Variants in ANKFY1 observed in about 807,000 individuals in gnomAD.
ANKFY1 encodes the protein ankyrin repeat and FYVE domain containing 1, also known as ankyrin repeat and FYVE domain-containing protein 1.
ANKFY1 carries 47 observed loss-of-function variants against 128.3 expected under a neutral mutation model. The ratio of observed to expected loss-of-function variants is 0.37; its 90% CI spans 0.29 to 0.47. The LOEUF (loss-of-function observed/expected upper bound fraction) is 0.47. Ranked by LOEUF, ANKFY1 falls within the 20% of genes least tolerant of loss-of-function variation. The probability of loss-of-function intolerance (pLI) is 1.00; values close to 1 mark genes in which losing one functional copy is unlikely to be tolerated. For missense variants in ANKFY1, 1,222 were observed against 1,510.6 expected, an observed-to-expected ratio of 0.81 and a Z score of 3.17; for synonymous variants, 553 against 601.6, an observed-to-expected ratio of 0.92 and a Z score of 1.18.
intron 4 of ANKFY1, among the ~76,000 whole-genome samples, chr17:4,210,580 T>C (rs568659918): frequency 6.6e-6 from 1 of 151,630 alleles, no homozygotes; most frequent in South Asian, 2.1e-4. Context: ...TGGTGGCGCA[T>C]GCCTGTAATC....
At position 4,181,768 on chromosome 17, in the gene ANKFY1, T is replaced by G. The variant is rs147833637; in HGVS notation, c.2122-396A>C. ...AACCTCCAGGTGCACAACGCCTTCATATCACACTGCAGGCCCTTCGGAGAG... is the reference window on the plus strand; with the variant it reads ...AACCTCCAGGTGCACAACGCCTTCAGATCACACTGCAGGCCCTTCGGAGAG... On this transcript the variant is annotated intron_variant, in intron 15 of 24. Coordinates refer to ENST00000341657, the MANE Select transcript of ANKFY1 (RefSeq NM_001330063.2). The surrounding 1 kb of genome is among the most constrained non-coding windows in gnomAD (Gnocchi z 4.9). Among the ~76,000 whole-genome samples the G allele has an allele frequency of 1.2e-4, 18 of 152,318 alleles. No homozygotes were observed. In the East Asian group the frequency reaches 3.5e-3, roughly 29 times the overall value.
In ANKFY1 at chr17:4,195,529, C is replaced by A. The variant is rs977844626; in HGVS notation, c.1104-58G>T. 4.3e-5 allele frequency: 58 copies of A among 1,339,472 alleles called. No individual in the cohort carries two copies. In the East Asian group the frequency reaches 1.3e-3, roughly 30 times the overall value. 83.0% of individuals were successfully genotyped at this position (1,339,472 alleles called of 1,614,324 possible). On this transcript the variant is annotated intron_variant, in intron 8 of 24. Transcript: ENST00000341657. ...GGACAGGCCTGTTCAGGATGACTCACGGCAAGACGCAACCAGAATCCCAGG... is the reference window on the plus strand; with the variant it reads ...GGACAGGCCTGTTCAGGATGACTCAAGGCAAGACGCAACCAGAATCCCAGG...
At position 4,178,791 on chromosome 17, in the gene ANKFY1, C is replaced by G. The variant is rs2059454713; in HGVS notation, c.2598+66G>C. On this transcript the variant is annotated intron_variant, in intron 18 of 24. Coordinates refer to ENST00000341657, the MANE Select transcript of ANKFY1 (RefSeq NM_001330063.2). The surrounding 1 kb of genome is among the most constrained non-coding windows in gnomAD (Gnocchi z 4.1). ...AGGAGACCTGTTTAGTCGGTGACAT[C>G]TGTCTAGTCTCCAGGTTCCGCGACG... is the stretch of plus-strand genomic sequence containing the variant. 6.5e-5 allele frequency: 95 copies of G among 1,472,090 alleles called. No homozygotes were observed. The South Asian group carries it at 1.1e-3, about 16-fold the overall frequency. 91.2% of individuals were successfully genotyped at this position (1,472,090 alleles called of 1,614,324 possible).
At position 4,217,029 on chromosome 17, in the gene ANKFY1, G is replaced by A; in HGVS notation, c.412C>T (p.Leu138=). 9 of 1,614,180 alleles carry A rather than the reference G, an allele frequency of 5.6e-6. No homozygotes were observed. Among genetic ancestry groups the A allele is most frequent in the African/African-American group, 2.7e-5 (2 of 75,064 alleles). Residue 138 remains leucine, a synonymous_variant, in exon 4 of 25, where the codon CTG becomes TTG. Transcript: ENST00000341657. ...TGAAACCGATTTGCTAGTTTCATCA[G>A]TTCAGTCAGGAACACATCATCCTCT... ...FREDDVFLTE[L]MKLANRFQLQ... is the part of the protein sequence containing the mutation.
At chr17:4,185,449 C>G (rs966075511) in intron 11 of ANKFY1, among the ~76,000 whole-genome samples, 1 of 152,138 alleles carries the variant, frequency 6.6e-6, no homozygotes, top group East Asian at 1.9e-4. Flanking sequence ...GTGATCCACC[C>G]AACTCGGACT....
chr17:4,205,251 T>G (rs978455881), intron 7 of ANKFY1, among the ~76,000 whole-genome samples: 1 of 152,142 alleles, frequency 6.6e-6, no homozygotes, highest in Non-Finnish European at 1.5e-5. Context: ...TCCACAAAAC[T>G]AACGCTTTGA....
intron 3 of ANKFY1, among the ~76,000 whole-genome samples, chr17:4,228,407 T>C (rs2143196954): frequency 6.9e-6 from 1 of 145,362 alleles, no homozygotes; most frequent in East Asian, 2.0e-4. Flanking sequence ...GATGGAAATG[T>C]TTTTTGTTAG....
In ANKFY1 at chr17:4,205,231, C is replaced by T. The variant is rs562396398; in HGVS notation, c.898+1090G>A. ...CCATGGCAATGCACTTCAATCAAGT[C>T]AACCATCCCTCCACAAAACTAACGC... On this transcript the variant is annotated intron_variant, in intron 7 of 24. Coordinates refer to ENST00000341657, the MANE Select transcript of ANKFY1 (RefSeq NM_001330063.2). Among the ~76,000 whole-genome samples the T allele has an allele frequency of 3.9e-5, 6 of 152,282 alleles. No individual in the cohort carries two copies. The South Asian group carries it at 1.0e-3, about 26-fold the overall frequency.
At position 4,184,986 on chromosome 17, in the gene ANKFY1, G is replaced by A; in HGVS notation, c.1531C>T (p.Leu511=). 6.2e-7 allele frequency: 1 copy of A among 1,614,006 alleles called. No homozygotes were observed. Among genetic ancestry groups the A allele is most frequent in the African/African-American group, 1.3e-5 (1 of 75,056 alleles). ...HGLANLTAEL[L]QQGANPNLQT... ...AGGTTTGGGTTGGCGCCTTGCTGCA[G>A]GAGCTCTGCCGTGAGGTTGGCCAGG... Residue 511 remains leucine, a synonymous_variant, in exon 12 of 25, where the codon CTG becomes TTG. Transcript: ENST00000341657.
chr17:4,202,981 CATATATAT>C (rs56774221), intron 7 of ANKFY1, among the ~76,000 whole-genome samples: 3 of 146,236 alleles, frequency 2.1e-5, no homozygotes. Context: ...TAATCATACA[CATATATAT>C]ATATATATAT....
At position 4,178,663 on chromosome 17, in the gene ANKFY1, G is replaced by C. The variant is rs2059452064; in HGVS notation, c.2598+194C>G. 2 of 617,774 alleles carry C rather than the reference G, an allele frequency of 3.2e-6. No individual in the cohort carries two copies. The highest frequency in any genetic ancestry group is 2.8e-6 in the Non-Finnish European group (1 of 351,936). 38.3% of individuals were successfully genotyped at this position (617,774 alleles called of 1,614,324 possible). Reference sequence around the variant, plus strand: ...TCGAAGCCGGGCACTGTCAGGCGCTGACACACAGGCAGAGGAGCCGGATCT... The same window carrying C: ...TCGAAGCCGGGCACTGTCAGGCGCTCACACACAGGCAGAGGAGCCGGATCT... On this transcript the variant is annotated intron_variant, in intron 18 of 24. Transcript: ENST00000341657. This position sits in a 1 kb window ranked among gnomAD's most constrained non-coding sequence, Gnocchi z 4.1.
intron 9 of ANKFY1, 94 bp from the exon 10 acceptor site, chr17:4,195,271 A>ATTTTTTT (rs1217773025): frequency 7.3e-7 from 1 of 1,366,892 alleles, no homozygotes; most frequent in East Asian, 2.5e-5. Flanking sequence ...CCCTTTTTCA[A>ATTTTTTT]TGACACATTT....
chr17:4,182,269 C>G lies in ANKFY1; in HGVS notation c.2033G>C (p.Gly678Ala). 1 of 1,596,492 alleles carries G rather than the reference C, an allele frequency of 6.3e-7. No individual in the cohort carries two copies. Among genetic ancestry groups the G allele is most frequent in the Non-Finnish European group, 8.5e-7 (1 of 1,170,966 alleles). The change falls in exon 15 of 25, where the codon GGA becomes GCA. Residue 678 changes from glycine (G) to alanine (A), a missense_variant. Physicochemically the swap from Gly to Ala is moderately conservative, Grantham distance 60. Coordinates refer to ENST00000341657, the MANE Select transcript of ANKFY1 (RefSeq NM_001330063.2). Reference protein sequence around the residue: ...PLVVDAICTRGADMSVPDEKG... With the variant: ...PLVVDAICTRAADMSVPDEKG... ...CTCATCTGGCACAGACATGTCAGCT[C>G]CTCGGGTGCATATGGCATCAACTAC...
rs962452711 is a variant in ANKFY1, at chr17:4,207,850, G to A, written c.732+83C>T. On this transcript the variant is annotated intron_variant, in intron 6 of 24. Coordinates refer to ENST00000341657, the MANE Select transcript of ANKFY1 (RefSeq NM_001330063.2). ...TTAAAGACTGTGCCAGTCATGGCTCGGAAGGAAGTGAGAAGTACCACGGAG... is the reference window on the plus strand; with the variant it reads ...TTAAAGACTGTGCCAGTCATGGCTCAGAAGGAAGTGAGAAGTACCACGGAG... 4.8e-5 allele frequency: 66 copies of A among 1,370,654 alleles called. No individual in the cohort carries two copies. In the East Asian group the frequency reaches 1.1e-3, roughly 22 times the overall value. The allele number at this position is 1,370,654 out of a possible 1,614,324, so 84.9% of individuals were successfully genotyped here. A position where few individuals can be genotyped will look rare whatever the true frequency, so the allele number is the denominator to read the frequency against.
intron 4 of ANKFY1, among the ~76,000 whole-genome samples, chr17:4,210,481 G>T (rs2060106268): frequency 6.6e-6 from 1 of 152,156 alleles, no homozygotes. Context: ...GGCCGAGGTG[G>T]GTGGATCACC....
At chr17:4,187,413 C>T in intron 11 of ANKFY1, 1 of 396,310 alleles carries the variant, frequency 2.5e-6, no homozygotes, top group Non-Finnish European at 4.4e-6. Context: ...CCATCCCAGG[C>T]AGTTTTCTCA....
intron 1 of ANKFY1, among the ~76,000 whole-genome samples, chr17:4,244,092 A>G (rs2143410471): frequency 6.6e-6 from 1 of 152,160 alleles, no homozygotes; most frequent in East Asian, 1.9e-4. Context: ...CACCACGCCC[A>G]GCTAATTTTT....
chr17:4,202,695 T>TCAA (rs1209325424), intron 7 of ANKFY1, among the ~76,000 whole-genome samples: 14 of 13,506 alleles, frequency 1.0e-3, no homozygotes, highest in African/African-American at 4.2e-3. Flanking sequence ...AAACTCCGTC[T>TCAA]CAAAAAAAAA....
chr17:4,176,890 T>A (rs2059419948), intron 19 of ANKFY1, among the ~76,000 whole-genome samples: 1 of 152,210 alleles, frequency 6.6e-6, no homozygotes, highest in African/African-American at 2.4e-5. Context: ...GCCTCCACCA[T>A]TGAAATCCTG....
Sources: allele counts gnomAD v4.1 joint callset (sites outside exome capture counted in the v4.1 genomes callset), GRCh38; gene constraint gnomAD v4.1.1; non-coding constraint Gnocchi (gnomAD v3.1); transcripts MANE v1.5; gene names NCBI Gene and HGNC (gene_info 2026-07-23, HGNC 2026-07-21).